The following COG5 variants were observed in gnomAD, a reference collection of about 807,000 sequenced individuals.
The protein encoded by COG5 is conserved oligomeric Golgi complex subunit 5.
In COG5, 86 loss-of-function variants were observed where a neutral mutation model predicts 110.4. The observed-to-expected ratio is 0.78, with a 90% CI of 0.65 to 0.93. The LOEUF (loss-of-function observed/expected upper bound fraction) is 0.93. Among genes scored for constraint, COG5 ranks in the 40% least tolerant of loss-of-function variants. COG5 has a pLI of 0.00. For missense variants in COG5, 1,077 were observed against 987.0 expected, an observed-to-expected ratio of 1.09 and a Z score of -1.22; for synonymous variants, 360 against 334.6, an observed-to-expected ratio of 1.08 and a Z score of -0.83.
At chr7:107,468,471 T>C (rs1026367251) in intron 6 of COG5, among the ~76,000 whole-genome samples, 1 of 152,010 alleles carries the variant, frequency 6.6e-6, no homozygotes, top group Non-Finnish European at 1.5e-5. Flanking sequence ...TCTTTATAAA[T>C]GGCTGGCATT....
intron 19 of COG5, among the ~76,000 whole-genome samples, chr7:107,213,799 T>C (rs563723154): frequency 6.6e-6 from 1 of 152,226 alleles, no homozygotes; most frequent in African/African-American, 2.4e-5. Context: ...CTCTAAAGGA[T>C]GGAAGAGGTG....
chr7:107,266,168 A>G (rs1368290942), intron 14 of COG5, among the ~76,000 whole-genome samples: 1 of 152,224 alleles, frequency 6.6e-6, no homozygotes, highest in Non-Finnish European at 1.5e-5. Context: ...TTGAAAATGT[A>G]TAATAAAGGA....
chr7:107,501,883 T>C (rs781417149), intron 6 of COG5, among the ~76,000 whole-genome samples: 1 of 152,092 alleles, frequency 6.6e-6, no homozygotes, highest in African/African-American at 2.4e-5. Flanking sequence ...CATTACACTG[T>C]AGATATACAC....
chr7:107,441,254 T>TTA (rs1563036898), intron 6 of COG5, among the ~76,000 whole-genome samples: 2 of 29,334 alleles, frequency 6.8e-5, no homozygotes, highest in Non-Finnish European at 5.7e-5. Flanking sequence ...AGACTCCGTC[T>TTA]CAAAAAAAAA....
intron 5 of COG5, among the ~76,000 whole-genome samples, chr7:107,542,276 G>A (rs1161768628): frequency 6.6e-6 from 1 of 152,066 alleles, no homozygotes; most frequent in Non-Finnish European, 1.5e-5. Context: ...CTTACAAGAG[G>A]TTCAATCTCC....
intron 3 of COG5, 29 bp from the exon 4 acceptor site, chr7:107,548,361 T>C (rs751152781): frequency 1.3e-5 from 20 of 1,599,006 alleles, no homozygotes; most frequent in Non-Finnish European, 1.7e-5. Context: ...ACATTGGCTT[T>C]ACAAATTTAC....
At chr7:107,482,047 T>C (rs1797385005) in intron 6 of COG5, among the ~76,000 whole-genome samples, 1 of 152,068 alleles carries the variant, frequency 6.6e-6, no homozygotes, top group Non-Finnish European at 1.5e-5. Context: ...AGAGATTCTG[T>C]GGTACTTTTT....
chr7:107,510,878 G>A (rs1440751659), intron 6 of COG5, among the ~76,000 whole-genome samples: 1 of 152,128 alleles, frequency 6.6e-6, no homozygotes, highest in Non-Finnish European at 1.5e-5. Flanking sequence ...CAGTATCTCT[G>A]GCACACATTC....
chr7:107,206,196 C>T (rs555603798), intron 21 of COG5, among the ~76,000 whole-genome samples: 162 of 152,214 alleles, frequency 1.1e-3, no homozygotes, highest in African/African-American at 3.6e-3. Flanking sequence ...CTCTTGACCT[C>T]GTGATCCGCC....
Position 107,362,102 on chromosome 7 carries a change from A to G in COG5, c.957T>C (p.His319=). 2 of 1,606,254 alleles carry G rather than the reference A, an allele frequency of 1.2e-6. No individual in the cohort carries two copies. Among genetic ancestry groups the G allele is most frequent in the Non-Finnish European group, 1.7e-6 (2 of 1,174,016 alleles). ...HIYAVCGQVQ[H]LQKVLAKKRD... ...TCTTCTTGGCCAATACTTTTTGTAG[A>G]TGTTGTACCTTAAATGAAACAAATG... Residue 319 remains histidine (H), a synonymous_variant, in exon 10 of 22, where the codon CAT becomes CAC. Coordinates refer to ENST00000297135, the MANE Select transcript of COG5 (RefSeq NM_006348.5).
intron 6 of COG5, among the ~76,000 whole-genome samples, chr7:107,440,757 T>G (rs1794657092): frequency 6.6e-6 from 1 of 152,186 alleles, no homozygotes; most frequent in Admixed American, 6.6e-5. Context: ...AGAGAAATTC[T>G]GAGTTGATGA....
rs1393283569 is a variant in COG5, at chr7:107,203,714, TAGTA to T, written c.2376-88_2376-85del. The T allele has an allele frequency of 5.5e-4, 484 of 877,384 alleles. 2 individuals are homozygous for T. Among genetic ancestry groups the T allele is most frequent in the African/African-American group, 6.5e-4 (39 of 59,850 alleles). 54.3% of individuals were successfully genotyped at this position (877,384 alleles called of 1,614,324 possible). A position where few individuals can be genotyped will look rare whatever the true frequency, so the allele number is the denominator to read the frequency against. On this transcript the variant is annotated intron_variant, in intron 21 of 21. Transcript: ENST00000297135. ...GGGGATACCAATATATAAAAATTAT[TAGTA>T]AGCTCATTTCTGGAACTGTTAATGC... is the stretch of plus-strand genomic sequence containing the variant.
intron 7 of COG5, among the ~76,000 whole-genome samples, chr7:107,400,778 T>C (rs1791365131): frequency 6.6e-6 from 1 of 152,146 alleles, no homozygotes; most frequent in South Asian, 2.1e-4. Flanking sequence ...CCAATGTTAT[T>C]GTGGATTGTT....
chr7:107,524,998 G>A (rs962627170), intron 6 of COG5, among the ~76,000 whole-genome samples: 1 of 152,004 alleles, frequency 6.6e-6, no homozygotes, highest in East Asian at 1.9e-4. Context: ...GCAGATCTCG[G>A]CTCACTGCAA....
intron 11 of COG5, among the ~76,000 whole-genome samples, chr7:107,324,151 G>A (rs922915775): frequency 6.6e-6 from 1 of 151,980 alleles, no homozygotes; most frequent in Non-Finnish European, 1.5e-5. Flanking sequence ...ACTCTACGTA[G>A]GAAAAATTCA....
chr7:107,363,832 G>A (rs964662054), intron 8 of COG5, among the ~76,000 whole-genome samples: 4 of 151,962 alleles, frequency 2.6e-5, no homozygotes, highest in Non-Finnish European at 5.9e-5. Flanking sequence ...TTGCATGCCT[G>A]TAATTCTAGC....
intron 16 of COG5, among the ~76,000 whole-genome samples, chr7:107,251,950 G>C (rs535667339): frequency 4.6e-5 from 7 of 152,112 alleles, no homozygotes; most frequent in African/African-American, 1.4e-4. Flanking sequence ...AATTAACACA[G>C]TTGCTAAACT....
intron 6 of COG5, among the ~76,000 whole-genome samples, chr7:107,435,252 A>G (rs1794294851): frequency 6.6e-6 from 1 of 152,208 alleles, no homozygotes; most frequent in African/African-American, 2.4e-5. Flanking sequence ...ACATAGTACT[A>G]AACTGTGCAG....
intron 10 of COG5, among the ~76,000 whole-genome samples, chr7:107,346,512 T>C (rs1219876249): frequency 6.6e-6 from 1 of 152,198 alleles, no homozygotes; most frequent in African/African-American, 2.4e-5. Flanking sequence ...TACTTTTCTC[T>C]ATGGGTCATA....
Sources: allele counts gnomAD v4.1 joint callset (sites outside exome capture counted in the v4.1 genomes callset), GRCh38; gene constraint gnomAD v4.1.1; transcripts MANE v1.5; gene names NCBI Gene and HGNC (gene_info 2026-07-23, HGNC 2026-07-21).